The following KANK3 variants were observed in gnomAD, a reference collection of about 807,000 sequenced individuals.
KANK3 encodes KN motif and ankyrin repeat domain-containing protein 3.
KANK3 carries 61 observed loss-of-function variants against 65.4 expected under a neutral mutation model. The observed-to-expected ratio is 0.93, with a 90% CI of 0.76 to 1.15. KANK3 has a LOEUF of 1.15. Ranked by LOEUF, KANK3 falls within the 50% of genes most tolerant of loss-of-function variation. KANK3 has a pLI of 0.00. For synonymous variants in KANK3, 586 were observed against 543.3 expected (o/e 1.08, Z -1.09); for missense variants, 1,187 against 1,178.8 (o/e 1.01, Z -0.10).
chr19:8,334,499 C>T lies in KANK3; in HGVS notation c.1327+1G>A. 6.2e-7 allele frequency: 1 copy of T among 1,605,336 alleles called. No individual in the cohort carries two copies. Among genetic ancestry groups the T allele is most frequent in the Non-Finnish European group, 8.5e-7 (1 of 1,179,516 alleles). On this transcript the variant is annotated splice_donor_variant, in intron 3 of 10. Transcript: ENST00000330915. LOFTEE classifies it high-confidence loss of function. The stretch of plus-strand genomic sequence containing the variant: ...GGCCCAGCGACGGGGTCGGGACTCA[C>T]CCGCGGGCGCCACGGCCCTGTCTCC...
chr19:8,341,315 A>G (rs988055953), intron 1 of KANK3, among the ~76,000 whole-genome samples: 7 of 150,710 alleles, frequency 4.6e-5, no homozygotes, highest in Middle Eastern at 3.4e-3. Context: ...TGTGGCCTTG[A>G]ACCCCTGAGC....
In KANK3 at chr19:8,322,863, A is replaced by G. The variant is rs1232668327; in HGVS notation, c.2442T>C (p.Asn814=). The G allele has an allele frequency of 1.3e-6, 2 of 1,597,312 alleles. No individual in the cohort carries two copies. The highest frequency in any genetic ancestry group is 1.1e-5 in the South Asian group (1 of 89,180). Residue 814 remains asparagine (N), a synonymous_variant, in exon 11 of 11, where the codon AAT becomes AAC. Coordinates refer to ENST00000330915, the MANE Select transcript of KANK3 (RefSeq NM_198471.3). ...CTTACTGAACCTGGGGGTTCTCTCCATTGTCACCGCATTCTCCTTCACCAG... is the reference window on the plus strand; with the variant it reads ...CTTACTGAACCTGGGGGTTCTCTCCGTTGTCACCGCATTCTCCTTCACCAG... ...ATPGEGECGD[N]GENPQVQ
rs34406874 is a variant in KANK3 at position 8,341,223 on chromosome 19, C to CT, written c.-29+2001dup. ...AGTCTAAGGAATTTATGGATATTTA[C>CT]TTTTTTTTTTTTTTTTTTTAGAGGC... is the stretch of plus-strand genomic sequence containing the variant. On this transcript the variant is annotated intron_variant, in intron 1 of 10. Coordinates refer to ENST00000330915, the MANE Select transcript of KANK3 (RefSeq NM_198471.3). Among the ~76,000 whole-genome samples the CT allele has an allele frequency of 1.1e-3, 152 of 138,740 alleles. 1 individual carries two copies. Among genetic ancestry groups the CT allele is most frequent in the East Asian group, 0.01 (48 of 4,724 alleles). 91.0% of individuals were successfully genotyped at this position (138,740 alleles called of 152,430 possible).
chr19:8,333,872 G>A lies in KANK3; in HGVS notation c.1634+38C>T. 6.4e-7 allele frequency: 1 copy of A among 1,555,072 alleles called. No homozygotes were observed. The highest frequency in any genetic ancestry group is 8.7e-7 in the Non-Finnish European group (1 of 1,151,218). ...GACAGCGCCGACCAGGAGGAGGGCAGCCGCCTCCTCTCCAAACAACTAGCG... is the reference window on the plus strand; with the variant it reads ...GACAGCGCCGACCAGGAGGAGGGCAACCGCCTCCTCTCCAAACAACTAGCG... On this transcript the variant is annotated intron_variant, in intron 5 of 10. Coordinates refer to ENST00000330915, the MANE Select transcript of KANK3 (RefSeq NM_198471.3). This position sits in a 1 kb window ranked among gnomAD's most constrained non-coding sequence, Gnocchi z 5.0.
chr19:8,339,361 G>GT (rs71175840), intron 1 of KANK3, among the ~76,000 whole-genome samples: 4,003 of 138,884 alleles, frequency 0.029, 193 homozygotes, highest in African/African-American at 0.094. Context: ...ATCTCTTTTT[G>GT]TTTTTTTTTT....
chr19:8,330,341 T>A (rs1970501677), intron 7 of KANK3, among the ~76,000 whole-genome samples: 1 of 152,160 alleles, frequency 6.6e-6, no homozygotes, highest in South Asian at 2.1e-4. Context: ...ACGCCTATAA[T>A]ACCAGCACTT....
chr19:8,341,192 GC>G (rs1474613805), intron 1 of KANK3, among the ~76,000 whole-genome samples: 2 of 151,350 alleles, frequency 1.3e-5, no homozygotes, highest in African/African-American at 4.9e-5. Flanking sequence ...CTATGGGCCA[GC>G]CTCTAGTCTA....
Position 8,322,911 on chromosome 19 carries a change from G to A in KANK3, c.2394C>T (p.Pro798=). ...SGQPDTQSES[P]PGSQTATPGE... ...CAGGTGTGGCTGTCTGGGAGCCAGGGGGTGACTCGCTCTGGAGAGAGGGGA... is the reference window on the plus strand; with the variant it reads ...CAGGTGTGGCTGTCTGGGAGCCAGGAGGTGACTCGCTCTGGAGAGAGGGGA... Residue 798 remains proline, a synonymous_variant, in exon 11 of 11, where the codon CCC becomes CCT. Transcript: ENST00000330915. The A allele has an allele frequency of 1.9e-6, 3 of 1,541,620 alleles. No homozygotes were observed. The highest frequency in any genetic ancestry group is 2.6e-6 in the Non-Finnish European group (3 of 1,143,952).
chr19:8,333,069 C>T lies in KANK3; in HGVS notation c.1881G>A (p.Leu627=), dbSNP rs1224479074. 1.4e-6 allele frequency: 2 copies of T among 1,476,074 alleles called. No homozygotes were observed. The highest frequency in any genetic ancestry group is 1.5e-5 in the African/African-American group (1 of 68,782). 91.4% of individuals were successfully genotyped at this position (1,476,074 alleles called of 1,614,324 possible). A position where few individuals can be genotyped will look rare whatever the true frequency, so the allele number is the denominator to read the frequency against. ...GGTTCCCGTGGGACACACTGTAGTG[C>T]AGGGCCGTGTTCCCGTTGCCATCCG... is the stretch of plus-strand genomic sequence containing the variant. ...NLADGNGNTA[L]HYSVSHGNLA... The change falls in exon 7 of 11, where the codon CTG becomes CTA. Residue 627 remains leucine, a synonymous_variant. Transcript: ENST00000330915. The surrounding 1 kb of genome is among the most constrained non-coding windows in gnomAD (Gnocchi z 5.0).
Position 8,322,878 on chromosome 19 carries a change from T to TCC in KANK3, c.2425_2426dup (p.Cys811AsnfsTer22). On this transcript the variant is annotated frameshift_variant, in exon 11 of 11. Coordinates refer to ENST00000330915, the MANE Select transcript of KANK3 (RefSeq NM_198471.3). LOFTEE classifies it low-confidence loss of function (END_TRUNC). ...GGTTCTCTCCATTGTCACCGCATTC[T>TCC]CCTTCACCAGGTGTGGCTGTCTGGG... is the stretch of plus-strand genomic sequence containing the variant. 2 of 1,583,814 alleles carry TCC rather than the reference T, an allele frequency of 1.3e-6. No homozygotes were observed. Among genetic ancestry groups the TCC allele is most frequent in the Admixed American group, 1.8e-5 (1 of 55,054 alleles).
intron 10 of KANK3, chr19:8,323,564 C>G (rs1970364285): frequency 1.4e-5 from 2 of 147,662 alleles, no homozygotes; most frequent in Admixed American, 6.7e-5. Flanking sequence ...AGACTCTTGT[C>G]TTCAAATGAA....
Position 8,335,119 on chromosome 19 carries a change from C to T in KANK3, c.708G>A (p.Glu236=). The T allele has an allele frequency of 7.9e-7, 1 of 1,267,178 alleles. No individual in the cohort carries two copies. Among genetic ancestry groups the T allele is most frequent in the Non-Finnish European group, 9.9e-7 (1 of 1,009,530 alleles). The allele number at this position is 1,267,178 out of a possible 1,614,324, so 78.5% of individuals were successfully genotyped here. A position where few individuals can be genotyped will look rare whatever the true frequency, so the allele number is the denominator to read the frequency against. The change falls in exon 3 of 11, where the codon GAG becomes GAA. Residue 236 remains glutamate (E), a synonymous_variant. Coordinates refer to ENST00000330915, the MANE Select transcript of KANK3 (RefSeq NM_198471.3). The stretch of plus-strand genomic sequence containing the variant: ...CGAGCTTGTCCGGGCGCGTCTCAGC[C>T]TCCCCGTCCGGCTCGGGCTGCGCGC... ...AGRAQPEPDG[E]AETRPDKLAQ...
At chr19:8,326,272 C>T (rs1017721529) in intron 7 of KANK3, among the ~76,000 whole-genome samples, 1 of 151,756 alleles carries the variant, frequency 6.6e-6, no homozygotes, top group African/African-American at 2.4e-5. Flanking sequence ...CTACTAAAAA[C>T]ACAAAAAATA....
chr19:8,332,987 T>TTTGGGGGGC, intron 7 of KANK3, 27 bp downstream of exon 7: 1 of 395,198 alleles, frequency 2.5e-6, no homozygotes, highest in East Asian at 6.5e-5. Flanking sequence ...TTTCCTGGTG[T>TTTGGGGGGC]CCCACCCACC....
rs1599647726 is a variant in KANK3, at chr19:8,333,310, C to A, written c.1720-80G>T. On this transcript the variant is annotated intron_variant, in intron 6 of 10. Coordinates refer to ENST00000330915, the MANE Select transcript of KANK3 (RefSeq NM_198471.3). The surrounding 1 kb of genome is among the most constrained non-coding windows in gnomAD (Gnocchi z 5.0). ...GTGGGGGAGCTGGGGAGGGGCGGGA[C>A]TGGGAAGAGACCCATTTGGCGTTTC... 11 of 1,184,816 alleles carry A rather than the reference C, an allele frequency of 9.3e-6. No individual in the cohort carries two copies. Among genetic ancestry groups the A allele is most frequent in the Non-Finnish European group, 1.3e-5 (11 of 841,912 alleles). The allele number at this position is 1,184,816 out of a possible 1,614,324, so 73.4% of individuals were successfully genotyped here.
At chr19:8,327,634 CA>C (rs1046573746) in intron 7 of KANK3, among the ~76,000 whole-genome samples, 2 of 149,048 alleles carry the variant, frequency 1.3e-5, no homozygotes, top group Admixed American at 6.7e-5. Context: ...TGCTCCCCGC[CA>C]AAAAAAAAAT....
At chr19:8,339,562 G>A (rs1337672653) in intron 1 of KANK3, among the ~76,000 whole-genome samples, 3 of 152,140 alleles carry the variant, frequency 2.0e-5, no homozygotes, top group Admixed American at 1.3e-4. Context: ...GTTTCATCAT[G>A]TTGGCCAGGC....
At position 8,334,789 on chromosome 19, in the gene KANK3, C is replaced by T. The variant is rs1469533148; in HGVS notation, c.1038G>A (p.Gly346=). The T allele has an allele frequency of 1.3e-6, 2 of 1,498,850 alleles. No homozygotes were observed. The highest frequency in any genetic ancestry group is 1.2e-5 in the South Asian group (1 of 80,318). 92.8% of individuals were successfully genotyped at this position (1,498,850 alleles called of 1,614,324 possible). Residue 346 remains glycine (G), a synonymous_variant, in exon 3 of 11, where the codon GGG becomes GGA. Coordinates refer to ENST00000330915, the MANE Select transcript of KANK3 (RefSeq NM_198471.3). ...GCTCGCGCTCGGCGGCCGCAGGCAG[C>T]CCCAGCAGCGCCTCGGTCACCCACG... The part of the protein sequence containing the change: ...ADAWVTEALL[G]LPAAAERELE...
chr19:8,323,049 A>G (rs1211965841), intron 10 of KANK3, 127 bp from the exon 11 acceptor site: 2 of 536,552 alleles, frequency 3.7e-6, no homozygotes, highest in Non-Finnish European at 6.4e-6. Context: ...TTTGTATCCA[A>G]CCTCTGCCCC....
Sources: gnomAD v4.1 joint callset for allele counts (sites outside exome capture counted in the v4.1 genomes callset) on GRCh38, gnomAD v4.1.1 for gene constraint, Gnocchi (gnomAD v3.1) non-coding constraint, MANE v1.5 for transcripts, NCBI Gene and HGNC (gene_info 2026-07-23, HGNC 2026-07-21) for gene names.